P4HB: variants seen among roughly 807,000 people sequenced by gnomAD.
P4HB encodes prolyl 4-hydroxylase subunit beta.
A neutral mutation model predicts 52.6 loss-of-function variants in P4HB; 20 were observed. The ratio of observed to expected loss-of-function variants is 0.38; its 90% CI spans 0.27 to 0.55. The LOEUF is 0.55. Ranked by LOEUF, P4HB falls within the 20% of genes least tolerant of loss-of-function variation. The pLI, the probability that P4HB is intolerant of heterozygous loss-of-function variation, is 0.74. For missense variants in P4HB, 601 were observed against 669.2 expected (o/e 0.90, Z 1.12); for synonymous variants, 296 against 277.9 (o/e 1.07, Z -0.65).
chr17:81,843,338 G>C lies in P4HB; in HGVS notation c.*674C>G, dbSNP rs902208759. 3.5e-5 allele frequency: 14 copies of C among 396,620 alleles called. No individual in the cohort carries two copies. Among genetic ancestry groups the C allele is most frequent in the Middle Eastern group, 1.3e-3 (2 of 1,598 alleles). The allele number at this position is 396,620 out of a possible 1,614,324, so 24.6% of individuals were successfully genotyped here. A position where few individuals can be genotyped will look rare whatever the true frequency, so the allele number is the denominator to read the frequency against. On this transcript the variant is annotated 3_prime_UTR_variant, in exon 11 of 11. Transcript: ENST00000331483. ...CACAGGCCGTGCTGTAGAGAGGCCA[G>C]TGGTCACAATGAGCCCACGACAGGA...
rs529811872 is a variant in P4HB at position 81,844,149 on chromosome 17, C to T, written c.1447-57G>A. ...GGTTGGCTGCAACAGCTGAGGCTGC[C>T]GGCCCCCAGCACCCCACACTGCTCA... On this transcript the variant is annotated intron_variant, in intron 10 of 10. Coordinates refer to ENST00000331483, the MANE Select transcript of P4HB (RefSeq NM_000918.4). 4.8e-5 allele frequency: 58 copies of T among 1,205,506 alleles called. 1 individual carries two copies. The highest frequency in any genetic ancestry group is 1.2e-4 in the African/African-American group (8 of 66,802). The allele number at this position is 1,205,506 out of a possible 1,614,324, so 74.7% of individuals were successfully genotyped here.
chr17:81,846,038 C>T lies in P4HB; in HGVS notation c.1057-47G>A. ...GTGAGGGGCGGCGATGCCTGGGGGA[C>T]CACAGAGCTCCCCAACCCTCACCCT... On this transcript the variant is annotated intron_variant, in intron 7 of 10. Transcript: ENST00000331483. The surrounding 1 kb of genome is among the most constrained non-coding windows in gnomAD (Gnocchi z 5.7). The T allele has an allele frequency of 6.5e-7, 1 of 1,545,056 alleles. No homozygotes were observed. The highest frequency in any genetic ancestry group is 8.7e-7 in the Non-Finnish European group (1 of 1,145,010).
Position 81,846,485 on chromosome 17 carries a change from G to C in P4HB, c.1000C>G (p.Leu334Val), listed in dbSNP as rs1443873151. ...AACTCTGTGATCCTCTCTGCCGTCAGCTCCTCCGATTCGGGCTTGTACTTG... is the reference window on the plus strand; with the variant it reads ...AACTCTGTGATCCTCTCTGCCGTCACCTCCTCCGATTCGGGCTTGTACTTG... ...MTKYKPESEE[L>V]TAERITEFCH... is the part of the protein sequence containing the mutation. Residue 334 changes from leucine (L) to valine (V), a missense_variant, in exon 7 of 11, where the codon CTG becomes GTG. Physicochemically the swap from Leu to Val is conservative, Grantham distance 32. Coordinates refer to ENST00000331483, the MANE Select transcript of P4HB (RefSeq NM_000918.4). The surrounding 1 kb of genome is among the most constrained non-coding windows in gnomAD (Gnocchi z 5.7). The C allele has an allele frequency of 1.1e-5, 17 of 1,613,754 alleles. No homozygotes were observed. The highest frequency in any genetic ancestry group is 1.4e-5 in the Non-Finnish European group (16 of 1,180,036).
chr17:81,844,116 G>T, intron 10 of P4HB, 24 bp from the exon 11 acceptor site: 1 of 1,556,802 alleles, frequency 6.4e-7, no homozygotes, highest in Non-Finnish European at 8.9e-7. Context: ...AAAGGGGCGG[G>T]GCGGGCAGGT....
chr17:81,859,105 C>A, intron 2 of P4HB, 76 bp downstream of exon 2: 1 of 1,390,328 alleles, frequency 7.2e-7, no homozygotes, highest in South Asian at 1.2e-5. Context: ...ACCGCTCAGA[C>A]AGCTGCCCCT....
rs2143316356 is a variant in P4HB, at chr17:81,845,889, T to C, written c.1159A>G (p.Asn387Asp). The change falls in exon 8 of 11, where the codon AAC (asparagine) becomes GAC (aspartate). Residue 387 changes from asparagine (N) to aspartate (D), a missense_variant. Transcript: ENST00000331483. ...CACTTACAGAACTCCACAAAGACGTTTTTTTTCTCATCAAAAGCCACGTCT... is the reference window on the plus strand; with the variant it reads ...CACTTACAGAACTCCACAAAGACGTCTTTTTTCTCATCAAAAGCCACGTCT... ...FEDVAFDEKK[N>D]VFVEFYAPWC... 1 of 1,613,936 alleles carries C rather than the reference T, an allele frequency of 6.2e-7. No individual in the cohort carries two copies.
chr17:81,843,545 C>G lies in P4HB; in HGVS notation c.*467G>C, dbSNP rs1027284589. 9 of 421,734 alleles carry G rather than the reference C, an allele frequency of 2.1e-5. No individual in the cohort carries two copies. Among genetic ancestry groups the G allele is most frequent in the African/African-American group, 1.8e-4 (9 of 49,066 alleles). The allele number at this position is 421,734 out of a possible 1,614,324, so 26.1% of individuals were successfully genotyped here. ...GACACTGCAGGCGGTACTGAGTGAC[C>G]ATGTCCAGTCCGGCTCCGTCCCTCC... On this transcript the variant is annotated 3_prime_UTR_variant, in exon 11 of 11. Transcript: ENST00000331483.
intron 10 of P4HB, among the ~76,000 whole-genome samples, chr17:81,844,717 C>T (rs1448776940): frequency 6.6e-6 from 1 of 152,238 alleles, no homozygotes; most frequent in Non-Finnish European, 1.5e-5. Flanking sequence ...GCTTCCCCGG[C>T]AGAGTCACCA....
In P4HB at chr17:81,846,855, G is replaced by T; in HGVS notation, c.855+92C>A. The stretch of plus-strand genomic sequence containing the variant: ...TCAGGTGCCCGATCCAGTCCAGCAG[G>T]CAGCCTCAGGAAGGCCCCACACTTG... On this transcript the variant is annotated intron_variant, in intron 6 of 10. Coordinates refer to ENST00000331483, the MANE Select transcript of P4HB (RefSeq NM_000918.4). The surrounding 1 kb of genome is among the most constrained non-coding windows in gnomAD (Gnocchi z 5.7). 6.7e-7 allele frequency: 1 copy of T among 1,497,768 alleles called. No individual in the cohort carries two copies. Among genetic ancestry groups the T allele is most frequent in the Non-Finnish European group, 9.2e-7 (1 of 1,087,068 alleles). 92.8% of individuals were successfully genotyped at this position (1,497,768 alleles called of 1,614,324 possible). A position where few individuals can be genotyped will look rare whatever the true frequency, so the allele number is the denominator to read the frequency against.
At chr17:81,857,167 G>T (rs1218699971) in intron 2 of P4HB, among the ~76,000 whole-genome samples, 1 of 152,040 alleles carries the variant, frequency 6.6e-6, no homozygotes, top group Non-Finnish European at 1.5e-5. Flanking sequence ...TTTATTTTTT[G>T]AAACGAAGTC....
At chr17:81,851,593 C>T (rs891004228) in intron 4 of P4HB, among the ~76,000 whole-genome samples, 1 of 152,230 alleles carries the variant, frequency 6.6e-6, no homozygotes, top group Non-Finnish European at 1.5e-5. Context: ...CACGGGTGGG[C>T]TCGCACTGTG....
In P4HB at chr17:81,857,794, C is replaced by G. The variant is rs568369782; in HGVS notation, c.352+1387G>C. 3.9e-5 allele frequency among the ~76,000 whole-genome samples: 6 copies of G among 152,248 alleles called. No individual in the cohort carries two copies. In the East Asian group the frequency reaches 1.2e-3, roughly 29 times the overall value. On this transcript the variant is annotated intron_variant, in intron 2 of 10. Coordinates refer to ENST00000331483, the MANE Select transcript of P4HB (RefSeq NM_000918.4). ...CTAAGGAATGATGCCTCTCCTTTTTCCCTCCTAGAACTTGACTCCCTGGTC... is the reference window on the plus strand; with the variant it reads ...CTAAGGAATGATGCCTCTCCTTTTTGCCTCCTAGAACTTGACTCCCTGGTC...
Position 81,845,931 on chromosome 17 carries a change from C to T in P4HB, c.1117G>A (p.Val373Ile). ...DWDKQPVKVL[V>I]GKNFEDVAFD... ...GCCACGTCTTCAAAGTTCTTCCCAACAAGCACCTTGACAGGCTGCTTGTCC... is the reference window on the plus strand; with the variant it reads ...GCCACGTCTTCAAAGTTCTTCCCAATAAGCACCTTGACAGGCTGCTTGTCC... Residue 373 changes from valine (V) to isoleucine (I), a missense_variant, in exon 8 of 11, where the codon GTT (valine) becomes ATT (isoleucine). Coordinates refer to ENST00000331483, the MANE Select transcript of P4HB (RefSeq NM_000918.4). The T allele has an allele frequency of 6.2e-7, 1 of 1,613,558 alleles. No individual in the cohort carries two copies. Among genetic ancestry groups the T allele is most frequent in the Non-Finnish European group, 8.5e-7 (1 of 1,179,836 alleles).
At chr17:81,857,739 A>G (rs1292701341) in intron 2 of P4HB, among the ~76,000 whole-genome samples, 1 of 152,198 alleles carries the variant, frequency 6.6e-6, no homozygotes, top group East Asian at 1.9e-4. Context: ...ACTGACAGGA[A>G]AGAAACTTCC....
rs753242374 is a variant in P4HB, at chr17:81,843,964, G to A, written c.*48C>T. On this transcript the variant is annotated 3_prime_UTR_variant, in exon 11 of 11. Coordinates refer to ENST00000331483, the MANE Select transcript of P4HB (RefSeq NM_000918.4). ...TCGGAGGCGTGCGCTGCTGCTGGGT[G>A]TGCAGCCCCCGAGGGGTCTCGGCAG... is the stretch of plus-strand genomic sequence containing the variant. 2.6e-5 allele frequency: 35 copies of A among 1,361,820 alleles called. 1 individual carries two copies. The Admixed American group carries it at 3.5e-4, about 14-fold the overall frequency. The allele number at this position is 1,361,820 out of a possible 1,614,324, so 84.4% of individuals were successfully genotyped here.
intron 2 of P4HB, among the ~76,000 whole-genome samples, chr17:81,858,226 C>T (rs555831798): frequency 1.5e-5 from 2 of 129,692 alleles, no homozygotes; most frequent in East Asian, 2.2e-4. Flanking sequence ...GAGCAGAGAT[C>T]GCACCACTGC....
At chr17:81,848,970 C>T (rs1375270509) in intron 4 of P4HB, among the ~76,000 whole-genome samples, 1 of 150,974 alleles carries the variant, frequency 6.6e-6, no homozygotes, top group African/African-American at 2.4e-5. Context: ...CACTTGAACC[C>T]GGGAGGCAGA....
chr17:81,843,472 G>A lies in P4HB; in HGVS notation c.*540C>T, dbSNP rs11558890. 7 of 400,184 alleles carry A rather than the reference G, an allele frequency of 1.7e-5. No homozygotes were observed. The highest frequency in any genetic ancestry group is 8.7e-5 in the Admixed American group (2 of 22,906). 24.8% of individuals were successfully genotyped at this position (400,184 alleles called of 1,614,324 possible). Reference sequence around the variant, plus strand: ...CATGGGGGACACCCTGACAGGATCCGGAAGTCTCCATTTACCCAAAAATGC... The same window carrying A: ...CATGGGGGACACCCTGACAGGATCCAGAAGTCTCCATTTACCCAAAAATGC... On this transcript the variant is annotated 3_prime_UTR_variant, in exon 11 of 11. Transcript: ENST00000331483.
Position 81,845,669 on chromosome 17 carries a change from A to G in P4HB, c.1251T>C (p.His417=), listed in dbSNP as rs143872777. 202 of 1,613,874 alleles carry G rather than the reference A, an allele frequency of 1.3e-4. No individual in the cohort carries two copies. In the Middle Eastern group the frequency reaches 2.5e-3, roughly 20 times the overall value. ...CCATCTTGGCGATGACGATGTTCTC[A>G]TGGTCCTTGTACGTCTCTCCCAGTT... The part of the protein sequence containing the change: ...WDKLGETYKD[H]ENIVIAKMDS... The change falls in exon 9 of 11, where the codon CAT becomes CAC. Residue 417 remains histidine, a synonymous_variant. Coordinates refer to ENST00000331483, the MANE Select transcript of P4HB (RefSeq NM_000918.4).
Sources: gnomAD v4.1 joint callset for allele counts (sites outside exome capture counted in the v4.1 genomes callset) on GRCh38, gnomAD v4.1.1 for gene constraint, Gnocchi (gnomAD v3.1) non-coding constraint, MANE v1.5 for transcripts, NCBI Gene and HGNC (gene_info 2026-07-23, HGNC 2026-07-21) for gene names.